The following COL6A6 variants were observed in gnomAD, a reference collection of about 807,000 sequenced individuals.
The protein encoded by COL6A6 is collagen alpha-6(VI) chain.
A neutral mutation model predicts 208.6 loss-of-function variants in COL6A6; 183 were observed. The observed-to-expected ratio is 0.88, with a 90% confidence interval of 0.78 to 0.99. The LOEUF (loss-of-function observed/expected upper bound fraction) is 0.99. Ranked by LOEUF, COL6A6 falls within the 50% of genes least tolerant of loss-of-function variation. The pLI is 0.00. For synonymous variants in COL6A6, 973 were observed against 1,011.8 expected (o/e 0.96, Z 0.73); for missense variants, 2,816 against 2,815.2 (o/e 1.00, Z -0.01).
intron 1 of COL6A6, among the ~76,000 whole-genome samples, chr3:130,518,610 G>T (rs1307057911): frequency 1.3e-5 from 2 of 152,180 alleles, no homozygotes; most frequent in Non-Finnish European, 1.5e-5. Flanking sequence ...GGGTTCAAGC[G>T]ATTCTCCTGC....
intron 4 of COL6A6, 44 bp from the exon 5 acceptor site, chr3:130,566,658 A>AT (rs768246772): frequency 6.7e-7 from 1 of 1,482,788 alleles, no homozygotes; most frequent in African/African-American, 1.4e-5. Flanking sequence ...TTTCTTCTTC[A>AT]TGCTTGCTCA....
At chr3:130,557,337 G>A (rs2062789162) in intron 1 of COL6A6, among the ~76,000 whole-genome samples, 1 of 152,196 alleles carries the variant, frequency 6.6e-6, no homozygotes, top group African/African-American at 2.4e-5. Context: ...CTTTTGTTTT[G>A]TTTTTCTCAC....
chr3:130,595,446 C>T (rs2063827000), intron 18 of COL6A6, among the ~76,000 whole-genome samples: 1 of 152,206 alleles, frequency 6.6e-6, no homozygotes, highest in African/African-American at 2.4e-5. Flanking sequence ...ACCAGCATCT[C>T]AGAAGCCCCC....
rs190896651 is a variant in COL6A6 at position 130,645,371 on chromosome 3, G to A, written c.5239+369G>A. On this transcript the variant is annotated intron_variant, in intron 32 of 36. Coordinates refer to ENST00000358511, the MANE Select transcript of COL6A6 (RefSeq NM_001102608.3). Reference sequence around the variant, plus strand: ...CTGTTCATTGCATTCTTGACCTTCTGGGCTCAAGTGATCCTTCCACTTCAA... The same window carrying A: ...CTGTTCATTGCATTCTTGACCTTCTAGGCTCAAGTGATCCTTCCACTTCAA... 1.1e-4 allele frequency among the ~76,000 whole-genome samples: 17 copies of A among 152,110 alleles called. No individual in the cohort carries two copies. The South Asian group carries it at 2.5e-3, about 22-fold the overall frequency.
intron 5 of COL6A6, 103 bp from the exon 6 acceptor site, chr3:130,567,944 A>G: frequency 1.3e-6 from 1 of 754,496 alleles, no homozygotes; most frequent in Non-Finnish European, 2.2e-6. Flanking sequence ...ATTACTAAGT[A>G]CACATGTCAA....
intron 1 of COL6A6, among the ~76,000 whole-genome samples, chr3:130,551,244 G>T (rs1559978003): frequency 6.6e-6 from 1 of 152,126 alleles, no homozygotes. Flanking sequence ...AGTAGGAATA[G>T]TATCAGCTCT....
In COL6A6 at chr3:130,567,181, AAG is replaced by A. The variant is rs1196125670; in HGVS notation, c.1767_1768del (p.Arg589SerfsTer6). On this transcript the variant is annotated frameshift_variant, in exon 5 of 37. Coordinates refer to ENST00000358511, the MANE Select transcript of COL6A6 (RefSeq NM_001102608.3). LOFTEE classifies it high-confidence loss of function. Reference sequence around the variant, plus strand: ...GCTGAGAGAAATTGCAGGAGAGGAAAAGAGAGTGTATTACGTGCATGACTTTG... The same window carrying A: ...GCTGAGAGAAATTGCAGGAGAGGAAAAGAGTGTATTACGTGCATGACTTTG... ...TQLREIAGEE[K>X]RVYYVHDFDA... 4 of 1,613,618 alleles carry A rather than the reference AAG, an allele frequency of 2.5e-6. No individual in the cohort carries two copies. Among genetic ancestry groups the A allele is most frequent in the South Asian group, 2.2e-5 (2 of 91,070 alleles).
At position 130,649,126 on chromosome 3, in the gene COL6A6, G is replaced by A. The variant is rs867057566; in HGVS notation, c.5297G>A (p.Arg1766Gln). The A allele has an allele frequency of 6.3e-7, 1 of 1,582,072 alleles. No homozygotes were observed. Among genetic ancestry groups the A allele is most frequent in the Non-Finnish European group, 8.6e-7 (1 of 1,163,484 alleles). Residue 1766 changes from arginine to glutamine, a missense_variant, in exon 33 of 37, where the codon CGG becomes CAG. Transcript: ENST00000358511. ...TELVFALDHS[R>Q]DVTEQEFERM... ...TTGGTGTTTGCCCTGGACCACTCCCGGGATGTCACTGAGCAGGAATTTGAG... is the reference window on the plus strand; with the variant it reads ...TTGGTGTTTGCCCTGGACCACTCCCAGGATGTCACTGAGCAGGAATTTGAG...
intron 23 of COL6A6, among the ~76,000 whole-genome samples, chr3:130,620,285 A>C (rs1349278364): frequency 6.6e-6 from 1 of 152,182 alleles, no homozygotes; most frequent in Non-Finnish European, 1.5e-5. Flanking sequence ...TAAAGTGAGA[A>C]CAATAAGGCC....
At chr3:130,526,979 C>G (rs746107101) in intron 1 of COL6A6, among the ~76,000 whole-genome samples, 3 of 147,874 alleles carry the variant, frequency 2.0e-5, no homozygotes, top group Non-Finnish European at 4.5e-5. Flanking sequence ...AATCGGTCTC[C>G]GAGAGTTTAA....
At chr3:130,551,472 C>T (rs73198014) in intron 1 of COL6A6, among the ~76,000 whole-genome samples, 74 of 152,146 alleles carry the variant, frequency 4.9e-4, no homozygotes, top group Non-Finnish European at 9.4e-4. Flanking sequence ...TCATAGGAAT[C>T]GGAGTTTTTT....
intron 34 of COL6A6, 110 bp downstream of exon 34, chr3:130,658,882 G>C: frequency 1.4e-6 from 1 of 729,922 alleles, no homozygotes; most frequent in Non-Finnish European, 2.4e-6. Flanking sequence ...GCCTTGGGAG[G>C]ACCTCTCTGG....
At chr3:130,636,022 T>G (rs2065102019) in intron 28 of COL6A6, among the ~76,000 whole-genome samples, 1 of 152,264 alleles carries the variant, frequency 6.6e-6, no homozygotes, top group African/African-American at 2.4e-5. Flanking sequence ...AATAAGATTT[T>G]TTAAAAGAAA....
At chr3:130,671,967 C>A (rs1168463446) in intron 36 of COL6A6, among the ~76,000 whole-genome samples, 1 of 152,198 alleles carries the variant, frequency 6.6e-6, no homozygotes, top group African/African-American at 2.4e-5. Context: ...AGAGCCAGAA[C>A]AATTGAATTG....
chr3:130,674,088 CG>C (rs1321713640), intron 36 of COL6A6, among the ~76,000 whole-genome samples: 1 of 152,136 alleles, frequency 6.6e-6, no homozygotes, highest in Non-Finnish European at 1.5e-5. Context: ...CAAAGCTGCT[CG>C]GCTAGGGGCT....
chr3:130,625,090 G>A (rs1196922538), intron 24 of COL6A6, among the ~76,000 whole-genome samples: 1 of 152,196 alleles, frequency 6.6e-6, no homozygotes, highest in Admixed American at 6.5e-5. Context: ...CCACTTACCA[G>A]AGTCTAATCC....
intron 13 of COL6A6, among the ~76,000 whole-genome samples, chr3:130,592,206 T>A (rs1357546675): frequency 1.3e-5 from 2 of 151,864 alleles, no homozygotes; most frequent in African/African-American, 2.4e-5. Context: ...GGTTTATAGG[T>A]AAGTCTTGCA....
intron 23 of COL6A6, 101 bp from the exon 24 acceptor site, chr3:130,621,720 C>G (rs1449804271): frequency 2.1e-6 from 2 of 946,596 alleles, no homozygotes; most frequent in East Asian, 4.9e-5. Flanking sequence ...AGCCATAACT[C>G]TTCTCTCGTC....
At chr3:130,517,109 C>CGGGGCGGGGAA (rs1412222499), upstream of COL6A6, among the ~76,000 whole-genome samples, 1 of 152,156 alleles carries the variant, frequency 6.6e-6, no homozygotes, top group African/African-American at 2.4e-5. Context: ...CCGGGGCCGC[C>CGGGGCGGGGAA]GGGGCGGGGA....
Sources: gnomAD v4.1 joint callset for allele counts (sites outside exome capture counted in the v4.1 genomes callset) on GRCh38, gnomAD v4.1.1 for gene constraint, MANE v1.5 for transcripts, NCBI Gene and HGNC (gene_info 2026-07-23, HGNC 2026-07-21) for gene names.